The following C3orf52 variants were observed in gnomAD, a reference collection of about 807,000 sequenced individuals.
C3orf52 encodes TPA-induced transmembrane protein.
In C3orf52, 22 loss-of-function variants were observed where a neutral mutation model predicts 24.8. The ratio of observed to expected loss-of-function variants is 0.89; its 90% CI spans 0.63 to 1.27. The LOEUF (loss-of-function observed/expected upper bound fraction) is 1.27. Ranked by LOEUF, C3orf52 falls within the 50% of genes most tolerant of loss-of-function variation. The pLI is 0.00. For synonymous variants in C3orf52, 93 were observed against 100.2 expected, an observed-to-expected ratio of 0.93 and a Z score of 0.43; for missense variants, 265 against 260.7, an observed-to-expected ratio of 1.02 and a Z score of -0.11.
chr3:112,112,077 G>A (rs933629688), intron 4 of C3orf52: 2 of 152,248 alleles, frequency 1.3e-5, no homozygotes, highest in East Asian at 1.9e-4. Context: ...TCCCCAAGGT[G>A]ATAGTCTCAG....
At chr3:112,092,940 C>T (rs2073892825) in intron 1 of C3orf52, among the ~76,000 whole-genome samples, 1 of 152,164 alleles carries the variant, frequency 6.6e-6, no homozygotes, top group African/African-American at 2.4e-5. Context: ...CCAATCTATT[C>T]TGGGACAGCT....
At chr3:112,086,778 C>T (rs1220468416) in intron 1 of C3orf52, among the ~76,000 whole-genome samples, 1 of 152,178 alleles carries the variant, frequency 6.6e-6, no homozygotes, top group African/African-American at 2.4e-5. Flanking sequence ...CCCCGAGGCG[C>T]TTTAGGAATC....
chr3:112,127,940 T>C (rs1019404029), intron 4 of C3orf52: 14 of 1,242,744 alleles, frequency 1.1e-5, no homozygotes, highest in East Asian at 9.4e-5. Context: ...CCACAGACAG[T>C]CACAGGTAAC....
intron 4 of C3orf52, among the ~76,000 whole-genome samples, chr3:112,126,504 G>A (rs780152030): frequency 8.5e-5 from 13 of 152,062 alleles, no homozygotes; most frequent in Non-Finnish European, 1.3e-4. Flanking sequence ...CTGCTCTTCC[G>A]GCTCCTTGCT....
chr3:112,100,009 C>T (rs1010059306), intron 2 of C3orf52, among the ~76,000 whole-genome samples: 4 of 152,208 alleles, frequency 2.6e-5, no homozygotes, highest in African/African-American at 9.7e-5. Flanking sequence ...CAGACTGAGT[C>T]TGGCTGCCTT....
chr3:112,104,695 A>G (rs755147620), intron 3 of C3orf52, among the ~76,000 whole-genome samples: 4 of 151,892 alleles, frequency 2.6e-5, no homozygotes, highest in African/African-American at 4.8e-5. Context: ...GGTTACATGA[A>G]TAAGTTCTTT....
downstream of C3orf52, chr3:112,121,245 A>G (rs1276464754): frequency 1.3e-5 from 2 of 152,184 alleles, no homozygotes; most frequent in Admixed American, 6.5e-5. Context: ...TACTTCCACA[A>G]TGGTCCAGTG....
intron 4 of C3orf52, chr3:112,111,691 G>T (rs1276842739): frequency 1.3e-5 from 2 of 152,220 alleles, no homozygotes; most frequent in Non-Finnish European, 2.9e-5. Context: ...CCCTGGGAAT[G>T]CAGGGTGGCT....
At chr3:112,103,170 A>G (rs41270437) in intron 3 of C3orf52, among the ~76,000 whole-genome samples, 102,244 of 152,000 alleles carry the variant, frequency 0.67, 35,492 homozygotes, top group East Asian at 0.93. Flanking sequence ...TGATGAGAAC[A>G]CATGGACACG....
chr3:112,099,951 A>T lies in C3orf52; in HGVS notation c.269-2887A>T, dbSNP rs547153254. On this transcript the variant is annotated intron_variant, in intron 2 of 5. Coordinates refer to ENST00000264848, the MANE Select transcript of C3orf52 (RefSeq NM_024616.3). Reference sequence around the variant, plus strand: ...GTTGGAGAAGTAGCTTCAGAGATTTAAGTGACTTGCTCAAGGTCACCTGGC... The same window carrying T: ...GTTGGAGAAGTAGCTTCAGAGATTTTAGTGACTTGCTCAAGGTCACCTGGC... Among the ~76,000 whole-genome samples the T allele has an allele frequency of 3.3e-5, 5 of 152,338 alleles. No individual in the cohort carries two copies. The South Asian group carries it at 1.0e-3, about 32-fold the overall frequency.
intron 1 of C3orf52, among the ~76,000 whole-genome samples, chr3:112,090,677 T>C (rs986478278): frequency 6.6e-6 from 1 of 152,040 alleles, no homozygotes; most frequent in Non-Finnish European, 1.5e-5. Context: ...TAATTAGTGG[T>C]TTTTTTCAAC....
chr3:112,126,675 C>T (rs1471510670), intron 4 of C3orf52, among the ~76,000 whole-genome samples: 3 of 152,164 alleles, frequency 2.0e-5, no homozygotes, highest in Non-Finnish European at 4.4e-5. Context: ...CTCCCCTATC[C>T]CAGGCTGGCT....
At chr3:112,130,516 G>A (rs764259913), downstream of C3orf52, 1 of 1,613,354 alleles carries the variant, frequency 6.2e-7, no homozygotes, top group Non-Finnish European at 8.5e-7. Context: ...GCTGCCGCCT[G>A]AAACTCAACA....
intron 1 of C3orf52, among the ~76,000 whole-genome samples, chr3:112,090,397 C>A (rs954264991): frequency 1.3e-5 from 2 of 150,816 alleles, no homozygotes; most frequent in Non-Finnish European, 2.9e-5. Flanking sequence ...TGGGCTCAAG[C>A]GATCCTCCCA....
chr3:112,103,986 C>G (rs369984120), intron 3 of C3orf52, among the ~76,000 whole-genome samples: 2 of 152,040 alleles, frequency 1.3e-5, no homozygotes, highest in African/African-American at 4.8e-5. Flanking sequence ...TGGAGAAAGC[C>G]AGGAGGAAGA....
At chr3:112,115,169 G>T (rs938618599) in intron 5 of C3orf52, among the ~76,000 whole-genome samples, 1 of 152,222 alleles carries the variant, frequency 6.6e-6, no homozygotes, top group Non-Finnish European at 1.5e-5. Context: ...GAGCATGAAT[G>T]TGCAATATTT....
chr3:112,123,292 T>G, intron 4 of C3orf52: 1 of 1,360,352 alleles, frequency 7.4e-7, no homozygotes, highest in Non-Finnish European at 9.7e-7. Context: ...TTTTGGCTTT[T>G]GCGTGCTAAG....
chr3:112,119,547 G>A (rs1376871643), downstream of C3orf52: 11 of 702,884 alleles, frequency 1.6e-5, no homozygotes, highest in East Asian at 3.0e-4. Context: ...ACATGTTCGT[G>A]TCTTCTTAGG....
chr3:112,116,801 A>G lies in C3orf52; in HGVS notation c.*155A>G, dbSNP rs369439658. 7.1e-6 allele frequency: 11 copies of G among 1,540,630 alleles called. No homozygotes were observed. Among genetic ancestry groups the G allele is most frequent in the Non-Finnish European group, 9.6e-6 (11 of 1,146,952 alleles). On this transcript the variant is annotated 3_prime_UTR_variant, in exon 6 of 6. Coordinates refer to ENST00000264848, the MANE Select transcript of C3orf52 (RefSeq NM_024616.3). ...AGACTCCTTTCTCTCCCGATTCTAC[A>G]GTCTGGCTCTAAGCCCAGTAAAACA...
Sources: allele counts gnomAD v4.1 joint callset (sites outside exome capture counted in the v4.1 genomes callset), GRCh38; gene constraint gnomAD v4.1.1; transcripts MANE v1.5; gene names NCBI Gene and HGNC (gene_info 2026-07-23, HGNC 2026-07-21).